TMC1: variants seen among roughly 807,000 people sequenced by gnomAD.
The protein encoded by TMC1 is transmembrane channel-like protein 1.
A neutral mutation model predicts 105.8 loss-of-function variants in TMC1; 84 were observed. The ratio of observed to expected loss-of-function variants is 0.79; its 90% confidence interval spans 0.67 to 0.95. The LOEUF is 0.95. Ranked by LOEUF, TMC1 falls within the 40% of genes least tolerant of loss-of-function variation. The probability of loss-of-function intolerance (pLI) is 0.00; values close to 1 mark genes in which losing one functional copy is unlikely to be tolerated. For missense variants in TMC1, 817 were observed against 914.1 expected (o/e 0.89, Z 1.37); for synonymous variants, 315 against 311.5 (o/e 1.01, Z -0.12).
rs1826483798 is a variant in TMC1, at chr9:72,692,579, A to G, written c.65-1964A>G. On this transcript the variant is annotated intron_variant, in intron 6 of 23. Coordinates refer to ENST00000297784, the MANE Select transcript of TMC1 (RefSeq NM_138691.3). ...TTTAGTTTTAATACAAAAAATACTAAAATTCAGAGTACCAAGTAGCTGCTT... is the reference window on the plus strand; with the variant it reads ...TTTAGTTTTAATACAAAAAATACTAGAATTCAGAGTACCAAGTAGCTGCTT... 2.0e-5 allele frequency among the ~76,000 whole-genome samples: 3 copies of G among 152,182 alleles called. No homozygotes were observed. The South Asian group carries it at 6.2e-4, about 32-fold the overall frequency.
chr9:72,549,607 T>A (rs7025630), intron 1 of TMC1, among the ~76,000 whole-genome samples: 10,379 of 119,054 alleles, frequency 0.087, 435 homozygotes, highest in African/African-American at 0.12. Context: ...CACATCTGGC[T>A]ATTTTTTTTT....
At chr9:72,573,054 G>T (rs1824315314) in intron 1 of TMC1, among the ~76,000 whole-genome samples, 1 of 152,070 alleles carries the variant, frequency 6.6e-6, no homozygotes, top group Non-Finnish European at 1.5e-5. Context: ...TCTCATTATT[G>T]TTTAAAGAGG....
At chr9:72,715,103 G>A (rs890095399) in intron 8 of TMC1, among the ~76,000 whole-genome samples, 7 of 152,118 alleles carry the variant, frequency 4.6e-5, no homozygotes, top group African/African-American at 1.7e-4. Flanking sequence ...CTGTCTTCTG[G>A]CTTGTAGGGT....
intron 1 of TMC1, among the ~76,000 whole-genome samples, chr9:72,526,247 C>T: frequency 8.5e-6 from 1 of 118,286 alleles, no homozygotes; most frequent in East Asian, 2.1e-4. Context: ...ATAACATACT[C>T]CTTTGCACAG....
chr9:72,775,978 A>C (rs530838569), intron 13 of TMC1, among the ~76,000 whole-genome samples: 1 of 152,294 alleles, frequency 6.6e-6, no homozygotes, highest in African/African-American at 2.4e-5. Flanking sequence ...GTTCATAAAG[A>C]ATCTTCCCCT....
intron 8 of TMC1, among the ~76,000 whole-genome samples, chr9:72,722,762 A>G (rs888578403): frequency 2.6e-5 from 4 of 152,186 alleles, no homozygotes; most frequent in African/African-American, 7.2e-5. Context: ...GTCTGGATGA[A>G]TAGGTGAGTG....
At chr9:72,725,554 T>C (rs12351875) in intron 8 of TMC1, among the ~76,000 whole-genome samples, 31,025 of 151,042 alleles carry the variant, frequency 0.21, 3,753 homozygotes, top group African/African-American at 0.33. Flanking sequence ...AGGAGAAAGA[T>C]GTTGTCGGGG....
chr9:72,672,823 A>AACACACACACACACAC (rs34028814), intron 5 of TMC1, among the ~76,000 whole-genome samples: 2 of 139,832 alleles, frequency 1.4e-5, no homozygotes, highest in African/African-American at 2.7e-5. Flanking sequence ...AAGCCTGGGC[A>AACACACACACACACAC]ACACACACAC....
At chr9:72,763,085 C>CTTTTTTTTT (rs148498655) in intron 12 of TMC1, among the ~76,000 whole-genome samples, 2 of 109,512 alleles carry the variant, frequency 1.8e-5, no homozygotes, top group Non-Finnish European at 3.7e-5. Flanking sequence ...CTAGCGATGC[C>CTTTTTTTTT]TTTTTTTTTT....
chr9:72,670,969 C>A (rs946307988), intron 5 of TMC1, among the ~76,000 whole-genome samples: 2 of 152,220 alleles, frequency 1.3e-5, no homozygotes, highest in African/African-American at 4.8e-5. Context: ...AGAAAAATAT[C>A]TTTTTCTACC....
intron 2 of TMC1, among the ~76,000 whole-genome samples, chr9:72,586,701 G>A (rs988588480): frequency 6.6e-6 from 1 of 152,170 alleles, no homozygotes; most frequent in Non-Finnish European, 1.5e-5. Flanking sequence ...GGGAGAGACT[G>A]TGAGTTCCTG....
rs73650834 is a variant in TMC1, at chr9:72,689,556, A to G, written c.64+800A>G. Among the ~76,000 whole-genome samples the G allele has an allele frequency of 2.3e-3, 344 of 152,106 alleles. 3 individuals carry two copies. Among genetic ancestry groups the G allele is most frequent in the African/African-American group, 8.0e-3 (332 of 41,484 alleles). ...GTAATGTAGGGTATTGAAGTTTCCTACTATAATTATATTGCTGTATATTTT... is the reference window on the plus strand; with the variant it reads ...GTAATGTAGGGTATTGAAGTTTCCTGCTATAATTATATTGCTGTATATTTT... On this transcript the variant is annotated intron_variant, in intron 6 of 23. Transcript: ENST00000297784.
intron 8 of TMC1, among the ~76,000 whole-genome samples, chr9:72,733,676 A>G (rs935002284): frequency 6.6e-6 from 1 of 152,114 alleles, no homozygotes; most frequent in Admixed American, 6.5e-5. Context: ...TATGTCTTCC[A>G]CCACACATTT....
Position 72,766,348 on chromosome 9 carries a change from C to T in TMC1, c.742-6065C>T, listed in dbSNP as rs545133836. On this transcript the variant is annotated intron_variant, in intron 12 of 23. Coordinates refer to ENST00000297784, the MANE Select transcript of TMC1 (RefSeq NM_138691.3). ...AGAAGAATGGCATGAACCCAGGAGG[C>T]GGAGCTTGCAGTGAGCCGAAATTGC... is the stretch of plus-strand genomic sequence containing the variant. Among the ~76,000 whole-genome samples, 9 of 149,388 alleles carry T rather than the reference C, an allele frequency of 6.0e-5. No individual in the cohort carries two copies. The South Asian group carries it at 1.1e-3, about 18-fold the overall frequency.
At chr9:72,526,651 C>G (rs531353983) in intron 1 of TMC1, among the ~76,000 whole-genome samples, 60 of 152,286 alleles carry the variant, frequency 3.9e-4, no homozygotes, top group Non-Finnish European at 7.1e-4. Context: ...ACCCCTGTGA[C>G]TTTAAAAAAT....
chr9:72,810,867 T>C (rs1828691520), intron 18 of TMC1, among the ~76,000 whole-genome samples: 1 of 152,222 alleles, frequency 6.6e-6, no homozygotes, highest in Admixed American at 6.5e-5. Context: ...AGTATCTTCA[T>C]AGATAAATCA....
chr9:72,666,951 G>T (rs1007409151), intron 5 of TMC1, among the ~76,000 whole-genome samples: 3 of 151,582 alleles, frequency 2.0e-5, no homozygotes, highest in African/African-American at 7.3e-5. Context: ...ATGGTGGCGT[G>T]TGCCTGTAGT....
chr9:72,813,165 C>A (rs1042617473), intron 18 of TMC1, among the ~76,000 whole-genome samples: 2 of 151,182 alleles, frequency 1.3e-5, no homozygotes, highest in Non-Finnish European at 3.0e-5. Flanking sequence ...TTTTCTTTTT[C>A]CCTAACCGTT....
intron 1 of TMC1, among the ~76,000 whole-genome samples, chr9:72,532,666 A>G (rs1478715432): frequency 6.6e-6 from 1 of 151,420 alleles, no homozygotes; most frequent in Non-Finnish European, 1.5e-5. Context: ...AGGATGAGAC[A>G]TATTCTCAGA....
Sources: allele counts gnomAD v4.1 joint callset (sites outside exome capture counted in the v4.1 genomes callset), GRCh38; gene constraint gnomAD v4.1.1; transcripts MANE v1.5; gene names NCBI Gene and HGNC (gene_info 2026-07-23, HGNC 2026-07-21).